CPEB1: variants seen among roughly 807,000 people sequenced by gnomAD.
CPEB1 encodes cytoplasmic polyadenylation element binding protein 1, also known as cytoplasmic polyadenylation element-binding protein 1.
Under a neutral mutation model 65.8 loss-of-function variants are expected in CPEB1, and 7 were observed. The ratio of observed to expected loss-of-function variants is 0.11; its 90% CI spans 0.06 to 0.20. CPEB1 has a LOEUF of 0.20. CPEB1 is among the 10% of genes least tolerant of loss of function. CPEB1 has a pLI of 1.00. For synonymous variants in CPEB1, 262 were observed against 260.0 expected, an observed-to-expected ratio of 1.01 and a Z score of -0.08; for missense variants, 551 against 712.2, an observed-to-expected ratio of 0.77 and a Z score of 2.58.
At chr15:82,567,861 CAA>C (rs936622073) in intron 4 of CPEB1, among the ~76,000 whole-genome samples, 1 of 152,102 alleles carries the variant, frequency 6.6e-6, no homozygotes, top group African/African-American at 2.4e-5. Flanking sequence ...ATGCTGCACA[CAA>C]AAGAGTCGCA....
At chr15:82,639,287 C>G (rs2046908610) in intron 1 of CPEB1, among the ~76,000 whole-genome samples, 1 of 152,174 alleles carries the variant, frequency 6.6e-6, no homozygotes, top group African/African-American at 2.4e-5. Flanking sequence ...GATCAACATT[C>G]ACTTATCTGT....
intron 1 of CPEB1, among the ~76,000 whole-genome samples, chr15:82,644,915 C>G (rs2151398325): frequency 6.6e-6 from 1 of 152,338 alleles, no homozygotes; most frequent in South Asian, 2.1e-4. Context: ...TCCTCCTCCA[C>G]TTTTTACTTC....
chr15:82,546,318 C>T, intron 12 of CPEB1, 123 bp downstream of exon 12: 1 of 729,732 alleles, frequency 1.4e-6, no homozygotes, highest in Non-Finnish European at 2.4e-6. Context: ...CCATGTTGGC[C>T]AGGCTGGTCC....
rs186669679 is a variant in CPEB1 at position 82,646,585 on chromosome 15, G to A, written c.-98+552C>T. ...CACGGTGCAAGGGGCCAGGGCTGCAGGGAGCAAAGTGCCCCCGAAAAATAA... is the reference window on the plus strand; with the variant it reads ...CACGGTGCAAGGGGCCAGGGCTGCAAGGAGCAAAGTGCCCCCGAAAAATAA... On this transcript the variant is annotated intron_variant, in intron 1 of 12. Transcript: ENST00000684509. Among the ~76,000 whole-genome samples the A allele has an allele frequency of 1.2e-3, 184 of 152,266 alleles. 1 individual carries two copies. In the Middle Eastern group the frequency reaches 0.017, roughly 14 times the overall value.
intron 3 of CPEB1, among the ~76,000 whole-genome samples, chr15:82,602,574 G>A (rs1157900127): frequency 1.3e-5 from 2 of 152,100 alleles, no homozygotes; most frequent in Non-Finnish European, 2.9e-5. Context: ...GGCCGGGCGC[G>A]GTGGCTCACA....
rs751937576 is a variant in CPEB1 at position 82,557,732 on chromosome 15, A to G, written c.687+28T>C. 1.4e-5 allele frequency: 23 copies of G among 1,600,588 alleles called. No individual in the cohort carries two copies. In the South Asian group the frequency reaches 2.0e-4, roughly 14 times the overall value. ...ACACACACAGGCAACTCCACCCACA[A>G]CTCCCCTTTCCCAAATGAGTTACAT... On this transcript the variant is annotated intron_variant, in intron 5 of 12. Coordinates refer to ENST00000684509, the MANE Select transcript of CPEB1 (RefSeq NM_001365242.1).
intron 1 of CPEB1, chr15:82,629,295 AATT>A (rs2046035984): frequency 5.1e-6 from 5 of 985,104 alleles, no homozygotes; most frequent in Non-Finnish European, 4.8e-6. Context: ...TGCAAACACT[AATT>A]ATTGAATACA....
At chr15:82,645,782 C>T (rs991991899) in intron 1 of CPEB1, among the ~76,000 whole-genome samples, 3 of 152,008 alleles carry the variant, frequency 2.0e-5, no homozygotes, top group East Asian at 1.9e-4. Flanking sequence ...GCAGGAGAAT[C>T]GCTTGAACCC....
At chr15:82,577,392 T>C (rs566765872) in intron 3 of CPEB1, among the ~76,000 whole-genome samples, 2 of 151,994 alleles carry the variant, frequency 1.3e-5, no homozygotes. Flanking sequence ...CTTAAAAAAT[T>C]TTTTTTTAAT....
chr15:82,598,764 G>A (rs1350940235), intron 3 of CPEB1, among the ~76,000 whole-genome samples: 2 of 152,086 alleles, frequency 1.3e-5, no homozygotes, highest in Non-Finnish European at 2.9e-5. Flanking sequence ...CAGTCTGGGT[G>A]ACAGAGCGAG....
intron 1 of CPEB1, chr15:82,629,775 G>A (rs1275439589): frequency 1.4e-5 from 14 of 985,128 alleles, no homozygotes; most frequent in Non-Finnish European, 1.7e-5. Context: ...AACAAGAAGA[G>A]GCCCAATGTC....
At chr15:82,602,573 C>T (rs1259177) in intron 3 of CPEB1, among the ~76,000 whole-genome samples, 37,567 of 151,934 alleles carry the variant, frequency 0.25, 4,856 homozygotes, top group South Asian at 0.42. Flanking sequence ...CGGCCGGGCG[C>T]GGTGGCTCAC....
intron 3 of CPEB1, among the ~76,000 whole-genome samples, chr15:82,585,991 TG>T (rs534784369): frequency 6.2e-4 from 95 of 152,222 alleles, no homozygotes; most frequent in African/African-American, 2.1e-3. Context: ...TTACAGCTCT[TG>T]TCTTTTTGGG....
intron 4 of CPEB1, among the ~76,000 whole-genome samples, chr15:82,561,868 G>A (rs572115551): frequency 4.6e-5 from 7 of 152,262 alleles, no homozygotes; most frequent in Non-Finnish European, 8.8e-5. Flanking sequence ...GGTCACTAAC[G>A]AACTCTACTT....
At chr15:82,568,584 C>G (rs142118201) in intron 4 of CPEB1, among the ~76,000 whole-genome samples, 9 of 152,270 alleles carry the variant, frequency 5.9e-5, no homozygotes, top group Non-Finnish European at 1.2e-4. Flanking sequence ...TTGCAGGACT[C>G]TGAGGCCAAG....
chr15:82,629,499 G>C (rs1295487979), intron 1 of CPEB1: 51 of 984,808 alleles, frequency 5.2e-5, no homozygotes, highest in Non-Finnish European at 5.9e-5. Context: ...CTATTCTTTT[G>C]GTATTCCCTA....
chr15:82,620,617 G>A (rs1245081115), intron 3 of CPEB1, among the ~76,000 whole-genome samples: 1 of 151,970 alleles, frequency 6.6e-6, no homozygotes, highest in Non-Finnish European at 1.5e-5. Flanking sequence ...GGTCAACACA[G>A]CAAGATTCTG....
At chr15:82,587,958 G>C (rs2041934568) in intron 3 of CPEB1, among the ~76,000 whole-genome samples, 1 of 152,070 alleles carries the variant, frequency 6.6e-6, no homozygotes, top group Non-Finnish European at 1.5e-5. Context: ...CTCTGGCTCT[G>C]TCACACAGGC....
At chr15:82,613,397 G>GT (rs1373922812) in intron 3 of CPEB1, among the ~76,000 whole-genome samples, 2 of 151,888 alleles carry the variant, frequency 1.3e-5, no homozygotes, top group African/African-American at 4.8e-5. Flanking sequence ...GTTTTGTTTT[G>GT]TTTTTTTGGA....
Sources: allele counts gnomAD v4.1 joint callset (sites outside exome capture counted in the v4.1 genomes callset), GRCh38; gene constraint gnomAD v4.1.1; transcripts MANE v1.5; gene names NCBI Gene and HGNC (gene_info 2026-07-23, HGNC 2026-07-21).